Variants in METTL16 observed in about 807,000 individuals in gnomAD.
METTL16 encodes methyltransferase 16, RNA N6-adenosine.
A neutral mutation model predicts 57.9 loss-of-function variants in METTL16; 19 were observed. The ratio of observed to expected loss-of-function variants is 0.33; its 90% confidence interval spans 0.23 to 0.48. METTL16 has a LOEUF of 0.48. Ranked by LOEUF, METTL16 falls within the 20% of genes least tolerant of loss-of-function variation. METTL16 has a pLI of 0.99. For synonymous variants in METTL16, 246 were observed against 255.6 expected, an observed-to-expected ratio of 0.96 and a Z score of 0.36; for missense variants, 434 against 691.5, an observed-to-expected ratio of 0.63 and a Z score of 4.18.
chr17:2,492,200 G>A (rs747215783), intron 2 of METTL16, among the ~76,000 whole-genome samples: 19 of 152,144 alleles, frequency 1.2e-4, no homozygotes, highest in Non-Finnish European at 2.4e-4. Flanking sequence ...GACAGAGCAA[G>A]ACTCCGTCTC....
chr17:2,448,789 T>TAAAA (rs1288709390), intron 6 of METTL16, among the ~76,000 whole-genome samples: 1 of 47,730 alleles, frequency 2.1e-5, no homozygotes, highest in African/African-American at 5.7e-5. Flanking sequence ...AATAAAAAAA[T>TAAAA]AAAAATAAAA....
intron 8 of METTL16, among the ~76,000 whole-genome samples, chr17:2,427,342 A>G (rs1291822030): frequency 6.6e-6 from 1 of 152,202 alleles, no homozygotes; most frequent in East Asian, 1.9e-4. Flanking sequence ...ACAACAAAAA[A>G]GGCACTCCCT....
chr17:2,457,690 G>T (rs1244293393), intron 6 of METTL16, among the ~76,000 whole-genome samples: 1 of 146,864 alleles, frequency 6.8e-6, no homozygotes, highest in Non-Finnish European at 1.5e-5. Context: ...CAGCCTGGAT[G>T]ACAGAGCGAG....
chr17:2,428,314 GA>G (rs2066834940), intron 8 of METTL16, among the ~76,000 whole-genome samples: 1 of 151,360 alleles, frequency 6.6e-6, no homozygotes, highest in African/African-American at 2.4e-5. Flanking sequence ...AGAAAGCAAG[GA>G]AGCCACCAAA....
intron 4 of METTL16, among the ~76,000 whole-genome samples, chr17:2,471,709 A>T (rs1382268218): frequency 5.3e-5 from 8 of 151,866 alleles, no homozygotes; most frequent in Non-Finnish European, 1.2e-4. Flanking sequence ...AATGGTGTGA[A>T]CCCAGCAGGC....
chr17:2,436,022 G>A (rs9908875), intron 8 of METTL16, among the ~76,000 whole-genome samples: 4,871 of 152,234 alleles, frequency 0.032, 289 homozygotes, highest in African/African-American at 0.11. Context: ...AGCTGGTGTG[G>A]AGTGCCAGGG....
chr17:2,422,282 T>C (rs2066771980), intron 8 of METTL16, among the ~76,000 whole-genome samples: 1 of 150,302 alleles, frequency 6.7e-6, no homozygotes, highest in Admixed American at 6.6e-5. Flanking sequence ...TGAGCCGAGA[T>C]TGTGCCACTG....
chr17:2,491,906 A>G (rs1485112777), intron 2 of METTL16, among the ~76,000 whole-genome samples: 1 of 143,226 alleles, frequency 7.0e-6, no homozygotes. Context: ...ATCAGTTAAA[A>G]TAAATAAAAA....
intron 6 of METTL16, among the ~76,000 whole-genome samples, chr17:2,461,618 C>T (rs113057672): frequency 0.12 from 17,403 of 148,858 alleles, 3,330 homozygotes; most frequent in African/African-American, 0.4. Context: ...ACTCTGTCAC[C>T]CAGGCTGGAG....
At chr17:2,510,287 C>T (rs73300273) in intron 1 of METTL16, among the ~76,000 whole-genome samples, 6,288 of 152,200 alleles carry the variant, frequency 0.041, 142 homozygotes, top group Non-Finnish European at 0.053. Context: ...TTTTTTATAT[C>T]TATGTATTGG....
chr17:2,432,414 C>T (rs2066879724), intron 8 of METTL16, among the ~76,000 whole-genome samples: 1 of 151,956 alleles, frequency 6.6e-6, no homozygotes, highest in Admixed American at 6.6e-5. Flanking sequence ...TAAAATAATA[C>T]AAAAATTAGC....
chr17:2,449,097 G>C (rs2067049263), intron 6 of METTL16, among the ~76,000 whole-genome samples: 1 of 150,902 alleles, frequency 6.6e-6, no homozygotes, highest in African/African-American at 2.4e-5. Flanking sequence ...TACCTAACTA[G>C]AAATTAAAAT....
At chr17:2,495,552 A>T (rs976145632) in intron 2 of METTL16, among the ~76,000 whole-genome samples, 29 of 151,380 alleles carry the variant, frequency 1.9e-4, no homozygotes, top group South Asian at 1.3e-3. Flanking sequence ...AAAATTAGCC[A>T]GGTGTGGTTG....
Position 2,419,996 on chromosome 17 carries a change from T to G in METTL16, c.1663A>C (p.Ile555Leu), listed in dbSNP as rs1422983121. The G allele has an allele frequency of 6.2e-7, 1 of 1,613,980 alleles. No homozygotes were observed. Among genetic ancestry groups the G allele is most frequent in the African/African-American group, 1.3e-5 (1 of 74,896 alleles). The part of the protein sequence containing the change: ...NQLCTYIRNQ[I>L]FRLVAVN ...TAGTTAACTGCAACAAGCCTGAAAA[T>G]TTGGTTACGTATGTAGGTGCAAAGC... Residue 555 changes from isoleucine (I) to leucine (L), a missense_variant, in exon 10 of 10, where the codon ATT (isoleucine) becomes CTT (leucine). Ile to Leu is a conservative substitution (Grantham distance 5). Transcript: ENST00000263092.
intron 6 of METTL16, among the ~76,000 whole-genome samples, chr17:2,459,547 G>A (rs140767349): frequency 3.4e-4 from 52 of 152,206 alleles, no homozygotes; most frequent in African/African-American, 1.0e-3. Context: ...ATTTCTTCAG[G>A]GACAAGGAGA....
At chr17:2,506,858 C>T (rs1188854469) in intron 1 of METTL16, among the ~76,000 whole-genome samples, 1 of 151,696 alleles carries the variant, frequency 6.6e-6, no homozygotes, top group Non-Finnish European at 1.5e-5. Flanking sequence ...TCTGCCCGGC[C>T]GCCCATCATC....
At chr17:2,444,053 G>C (rs1238634307) in intron 6 of METTL16, among the ~76,000 whole-genome samples, 1 of 151,558 alleles carries the variant, frequency 6.6e-6, no homozygotes, top group African/African-American at 2.4e-5. Context: ...AATTGGGTGA[G>C]GCATATGTTA....
intron 5 of METTL16, 68 bp downstream of exon 5, chr17:2,467,693 A>C (rs1283039416): frequency 3.8e-5 from 46 of 1,198,774 alleles, no homozygotes; most frequent in Non-Finnish European, 5.4e-5. Flanking sequence ...CCCAAAGTGC[A>C]GGGATTACAG....
intron 1 of METTL16, among the ~76,000 whole-genome samples, chr17:2,502,650 T>C (rs963014866): frequency 7.9e-5 from 12 of 151,508 alleles, no homozygotes; most frequent in South Asian, 2.1e-4. Flanking sequence ...ATCACGCCAT[T>C]GCACTCCAGC....
Sources: allele counts gnomAD v4.1 joint callset (sites outside exome capture counted in the v4.1 genomes callset), GRCh38; gene constraint gnomAD v4.1.1; transcripts MANE v1.5; gene names NCBI Gene and HGNC (gene_info 2026-07-23, HGNC 2026-07-21).